ENPP2: variants seen among roughly 807,000 people sequenced by gnomAD.
ENPP2 encodes the protein autotaxin.
In ENPP2, 51 loss-of-function variants were observed where a neutral mutation model predicts 120.2. The observed-to-expected ratio is 0.42, with a 90% CI of 0.34 to 0.54. The LOEUF is 0.54. ENPP2 is among the 20% of genes least tolerant of loss of function. ENPP2 has a pLI of 0.04. For synonymous variants in ENPP2, 365 were observed against 366.4 expected (o/e 1.00, Z 0.04); for missense variants, 920 against 1,066.5 (o/e 0.86, Z 1.91).
intron 2 of ENPP2, among the ~76,000 whole-genome samples, chr8:119,636,656 T>C (rs1363052736): frequency 2.0e-5 from 3 of 152,192 alleles, no homozygotes; most frequent in African/African-American, 7.2e-5. Context: ...GCTATTCTTA[T>C]AACATGGAAA....
Position 119,562,995 on chromosome 8 carries a change from G to A in ENPP2, c.2283C>T (p.Ser761=), listed in dbSNP as rs1416902848. 1.2e-6 allele frequency: 2 copies of A among 1,613,644 alleles called. No individual in the cohort carries two copies. Among genetic ancestry groups the A allele is most frequent in the East Asian group, 2.2e-5 (1 of 44,874 alleles). ...TGTAGTAGTGAGTTGGAACAGGAAT[G>A]GAACTGCCTTCCACGTACCTGAAAC... ...DKIKQYVEGS[S]IPVPTHYYSI... Residue 761 remains serine (S), a synonymous_variant, in exon 24 of 25, where the codon TCC becomes TCT. Coordinates refer to ENST00000075322, the MANE Select transcript of ENPP2 (RefSeq NM_001040092.3).
chr8:119,667,066 C>T (rs1818094266), intron 1 of ENPP2, among the ~76,000 whole-genome samples: 1 of 151,978 alleles, frequency 6.6e-6, no homozygotes, highest in Non-Finnish European at 1.5e-5. Flanking sequence ...AAACTAAGAC[C>T]CCTTCAAGCA....
intron 11 of ENPP2, among the ~76,000 whole-genome samples, chr8:119,598,899 A>G (rs1184170725): frequency 6.6e-5 from 10 of 152,176 alleles, no homozygotes; most frequent in African/African-American, 2.2e-4. Context: ...CTACTTTTAA[A>G]AGGATGGCTA....
intron 8 of ENPP2, among the ~76,000 whole-genome samples, chr8:119,608,301 G>A (rs555297671): frequency 6.6e-6 from 1 of 152,198 alleles, no homozygotes; most frequent in African/African-American, 2.4e-5. Flanking sequence ...ATTAACTTAT[G>A]CAGCATAATT....
At chr8:119,562,720 G>A in intron 24 of ENPP2, 137 bp downstream of exon 24, 6 of 852,104 alleles carry the variant, frequency 7.0e-6, no homozygotes, top group Non-Finnish European at 1.1e-5. Context: ...GCAAAGTTCT[G>A]TTTGGTTCCT....
At chr8:119,559,661 A>G (rs1813757410) in intron 24 of ENPP2, among the ~76,000 whole-genome samples, 1 of 152,236 alleles carries the variant, frequency 6.6e-6, no homozygotes, top group African/African-American at 2.4e-5. Flanking sequence ...AACTAAGACA[A>G]TTCAGATAAA....
chr8:119,629,762 C>T (rs2130794412), intron 2 of ENPP2, among the ~76,000 whole-genome samples: 1 of 151,802 alleles, frequency 6.6e-6, no homozygotes, highest in South Asian at 2.1e-4. Context: ...CATAAGAAAC[C>T]ATGGAGGCAG....
chr8:119,632,578 G>C (rs1318104542), intron 2 of ENPP2, among the ~76,000 whole-genome samples: 2 of 152,136 alleles, frequency 1.3e-5, no homozygotes, highest in African/African-American at 4.8e-5. Context: ...TATATGACAT[G>C]TATAACAACA....
At chr8:119,634,113 G>A (rs552757656) in intron 2 of ENPP2, among the ~76,000 whole-genome samples, 17 of 152,204 alleles carry the variant, frequency 1.1e-4, no homozygotes, top group African/African-American at 4.1e-4. Flanking sequence ...AACCTGGGAG[G>A]TGGAGGTTGC....
At chr8:119,650,283 G>A (rs2326307) in intron 1 of ENPP2, among the ~76,000 whole-genome samples, 1 of 152,218 alleles carries the variant, frequency 6.6e-6, no homozygotes, top group Admixed American at 6.5e-5. Flanking sequence ...ATCTAGAAGA[G>A]GCAAACCCAC....
chr8:119,595,003 G>C (rs901551280), intron 11 of ENPP2, among the ~76,000 whole-genome samples: 2 of 152,198 alleles, frequency 1.3e-5, no homozygotes, highest in African/African-American at 2.4e-5. Context: ...AGCCACAGTT[G>C]AAAGTTTCAG....
chr8:119,645,546 C>T (rs1405754722), intron 1 of ENPP2, among the ~76,000 whole-genome samples: 11 of 152,130 alleles, frequency 7.2e-5, no homozygotes, highest in South Asian at 4.1e-4. Context: ...CTCTCATAGC[C>T]GGGCACGGTG....
chr8:119,631,664 G>T (rs1816694857), intron 2 of ENPP2, among the ~76,000 whole-genome samples: 1 of 152,088 alleles, frequency 6.6e-6, no homozygotes, highest in Admixed American at 6.5e-5. Flanking sequence ...TAGAACAATA[G>T]AGTGGAATAT....
chr8:119,664,805 G>T (rs1463388517), intron 1 of ENPP2, among the ~76,000 whole-genome samples: 1 of 152,192 alleles, frequency 6.6e-6, no homozygotes, highest in African/African-American at 2.4e-5. Context: ...GCCGGGTGTG[G>T]TGGAACACGC....
chr8:119,597,010 G>A (rs1250886852), intron 11 of ENPP2, among the ~76,000 whole-genome samples: 1 of 151,950 alleles, frequency 6.6e-6, no homozygotes, highest in Non-Finnish European at 1.5e-5. Context: ...TGGGGGGAAT[G>A]TCTTGAGAGC....
chr8:119,581,830 G>C (rs995081750), intron 18 of ENPP2, among the ~76,000 whole-genome samples: 8 of 150,656 alleles, frequency 5.3e-5, no homozygotes, highest in Non-Finnish European at 1.2e-4. Flanking sequence ...CACAATCCCG[G>C]CTCACTGCAA....
chr8:119,618,245 G>A, intron 5 of ENPP2: 1 of 487,558 alleles, frequency 2.1e-6, no homozygotes, highest in Non-Finnish European at 4.1e-6. Context: ...TTTTGTTCCG[G>A]GGATGTGCTT....
chr8:119,668,773 A>T (rs999674950), intron 1 of ENPP2, among the ~76,000 whole-genome samples: 19 of 152,140 alleles, frequency 1.2e-4, no homozygotes, highest in African/African-American at 4.6e-4. Context: ...AAAGAAACAT[A>T]TCACTATTGA....
At chr8:119,602,732 CA>C (rs1393340929) in intron 9 of ENPP2, among the ~76,000 whole-genome samples, 1 of 152,140 alleles carries the variant, frequency 6.6e-6, no homozygotes, top group Non-Finnish European at 1.5e-5. Context: ...GCACAAAATG[CA>C]TTTTCACTCC....
Sources: gnomAD v4.1 joint callset for allele counts (sites outside exome capture counted in the v4.1 genomes callset) on GRCh38, gnomAD v4.1.1 for gene constraint, MANE v1.5 for transcripts, NCBI Gene and HGNC (gene_info 2026-07-23, HGNC 2026-07-21) for gene names.